Variants in DOCK5 observed in about 807,000 individuals in gnomAD.
DOCK5 encodes dedicator of cytokinesis protein 5.
A neutral mutation model predicts 251.8 loss-of-function variants in DOCK5; 142 were observed. The ratio of observed to expected loss-of-function variants is 0.56; its 90% CI spans 0.49 to 0.65. The LOEUF is 0.65. Among genes scored for constraint, DOCK5 ranks in the 30% least tolerant of loss-of-function variants. The pLI is 0.00. For synonymous variants in DOCK5, 842 were observed against 835.5 expected (o/e 1.01, Z -0.13); for missense variants, 2,111 against 2,312.3 (o/e 0.91, Z 1.79).
At chr8:25,248,673 C>T (rs187504261) in intron 2 of DOCK5, among the ~76,000 whole-genome samples, 27 of 152,060 alleles carry the variant, frequency 1.8e-4, no homozygotes, top group Non-Finnish European at 3.4e-4. Flanking sequence ...TGTTTCCTGC[C>T]GTGTGGTTGG....
intron 48 of DOCK5, 87 bp downstream of exon 48, chr8:25,403,811 A>G: frequency 7.0e-7 from 1 of 1,419,086 alleles, no homozygotes; most frequent in Non-Finnish European, 9.7e-7. Flanking sequence ...CCTTTGAGAA[A>G]AATAGCCTTT....
At chr8:25,256,195 ATG>A (rs1236738922) in intron 2 of DOCK5, among the ~76,000 whole-genome samples, 1 of 152,182 alleles carries the variant, frequency 6.6e-6, no homozygotes, top group Non-Finnish European at 1.5e-5. Context: ...AATATTAGAT[ATG>A]TGTGTGTGTG....
At chr8:25,359,164 C>T in intron 28 of DOCK5, 103 bp downstream of exon 28, 1 of 947,076 alleles carries the variant, frequency 1.1e-6, no homozygotes, top group East Asian at 2.4e-5. Context: ...TCTTCCCACG[C>T]ACCTCCGGTG....
At chr8:25,194,198 G>T (rs1801659820) in intron 1 of DOCK5, among the ~76,000 whole-genome samples, 1 of 151,974 alleles carries the variant, frequency 6.6e-6, no homozygotes. Context: ...GGAGGCTGAG[G>T]TAGGAGAATT....
chr8:25,203,295 C>T (rs530124405), intron 1 of DOCK5, among the ~76,000 whole-genome samples: 6 of 152,252 alleles, frequency 3.9e-5, no homozygotes, highest in Admixed American at 2.0e-4. Context: ...TTCAGAAGAT[C>T]CTTACATGGC....
intron 47 of DOCK5, among the ~76,000 whole-genome samples, chr8:25,402,048 T>C (rs1316406648): frequency 2.0e-5 from 3 of 152,208 alleles, no homozygotes; most frequent in Non-Finnish European, 2.9e-5. Flanking sequence ...AGTGATGGTG[T>C]AATACGTTCT....
intron 6 of DOCK5, among the ~76,000 whole-genome samples, chr8:25,294,332 G>T (rs187652291): frequency 6.6e-6 from 1 of 152,328 alleles, no homozygotes; most frequent in African/African-American, 2.4e-5. Context: ...TCACTTGATA[G>T]AGATGCTGTA....
chr8:25,292,161 T>A lies in DOCK5; in HGVS notation c.459T>A (p.Asp153Glu), dbSNP rs753434208. 4.4e-6 allele frequency: 7 copies of A among 1,577,352 alleles called. No homozygotes were observed. In the South Asian group the frequency reaches 8.2e-5, roughly 18 times the overall value. ...ELKKKVTAKI[D>E]HGNRMLGLDL... Reference sequence around the variant, plus strand: ...AGAAGAAAGTCACAGCCAAAATTGATCATGGGAACAGGTAGGTAAACCAGG... The same window carrying A: ...AGAAGAAAGTCACAGCCAAAATTGAACATGGGAACAGGTAGGTAAACCAGG... Residue 153 changes from aspartate to glutamate, a missense_variant, in exon 6 of 52, where the codon GAT (aspartate) becomes GAA (glutamate). Coordinates refer to ENST00000276440, the MANE Select transcript of DOCK5 (RefSeq NM_024940.8).
At chr8:25,201,552 T>C (rs1801878248) in intron 1 of DOCK5, among the ~76,000 whole-genome samples, 1 of 152,208 alleles carries the variant, frequency 6.6e-6, no homozygotes, top group South Asian at 2.1e-4. Flanking sequence ...TCCTGCAGGC[T>C]GTGGAGCCGG....
intron 37 of DOCK5, chr8:25,375,611 A>G: frequency 1.2e-6 from 1 of 868,730 alleles, no homozygotes; most frequent in African/African-American, 1.8e-5. Flanking sequence ...TGAGCACTAC[A>G]GCAGCCTCCT....
intron 18 of DOCK5, among the ~76,000 whole-genome samples, chr8:25,326,665 A>G (rs1282770230): frequency 6.6e-6 from 1 of 152,208 alleles, no homozygotes; most frequent in African/African-American, 2.4e-5. Context: ...ATAATTTAGA[A>G]GGCATATCAA....
rs1800823269 is a variant in DOCK5 at position 25,368,797 on chromosome 8, TAG to T, written c.3438+76_3438+77del. On this transcript the variant is annotated intron_variant, in intron 33 of 51. Transcript: ENST00000276440. The stretch of plus-strand genomic sequence containing the variant: ...AAATCATAACTCATTTCTTTCTATA[TAG>T]AGAAGCAGTAACCTTAATAATGCAA... 2.1e-6 allele frequency: 3 copies of T among 1,453,108 alleles called. No homozygotes were observed. The East Asian group carries it at 7.3e-5, about 35-fold the overall frequency. 90.0% of individuals were successfully genotyped at this position (1,453,108 alleles called of 1,614,324 possible).
intron 2 of DOCK5, among the ~76,000 whole-genome samples, chr8:25,252,199 T>G (rs548490528): frequency 5.9e-4 from 90 of 152,258 alleles, no homozygotes; most frequent in African/African-American, 2.2e-3. Context: ...TTATTGTTCC[T>G]CCTTTCTACT....
At chr8:25,232,255 T>A (rs1478498182) in intron 1 of DOCK5, among the ~76,000 whole-genome samples, 1 of 112,724 alleles carries the variant, frequency 8.9e-6, no homozygotes, top group Non-Finnish European at 1.7e-5. Context: ...TTAATCCTCT[T>A]GGGAGGATTC....
chr8:25,327,353 A>G (rs1458823614), intron 18 of DOCK5, among the ~76,000 whole-genome samples: 4 of 152,242 alleles, frequency 2.6e-5, no homozygotes, highest in African/African-American at 7.2e-5. Flanking sequence ...GTAGTATACT[A>G]TATAAAGCAT....
chr8:25,296,795 G>A (rs1345115793), intron 7 of DOCK5, 147 bp downstream of exon 7: 19 of 949,132 alleles, frequency 2.0e-5, no homozygotes, highest in Non-Finnish European at 2.6e-5. Context: ...GAAAGGATGA[G>A]GCAGGTATAT....
intron 1 of DOCK5, among the ~76,000 whole-genome samples, chr8:25,200,334 T>C (rs1387660320): frequency 6.6e-6 from 1 of 152,242 alleles, no homozygotes; most frequent in Admixed American, 6.5e-5. Context: ...TATAGCATTA[T>C]TTATACCAAA....
At chr8:25,373,495 G>T in intron 35 of DOCK5, 123 bp from the exon 36 acceptor site, 1 of 906,744 alleles carries the variant, frequency 1.1e-6, no homozygotes. Context: ...ATTTGTTAAA[G>T]GGAAACAGTG....
intron 40 of DOCK5, among the ~76,000 whole-genome samples, chr8:25,387,814 TC>T (rs1801190636): frequency 6.6e-6 from 1 of 152,202 alleles, no homozygotes; most frequent in South Asian, 2.1e-4. Context: ...CATTCATCTG[TC>T]TATGCCCATC....
Sources: gnomAD v4.1 joint callset for allele counts (sites outside exome capture counted in the v4.1 genomes callset) on GRCh38, gnomAD v4.1.1 for gene constraint, MANE v1.5 for transcripts, NCBI Gene and HGNC (gene_info 2026-07-23, HGNC 2026-07-21) for gene names.